Variants in HSD17B2 observed in about 807,000 individuals in gnomAD.
HSD17B2 encodes 17-beta-hydroxysteroid dehydrogenase type 2.
Under a neutral mutation model 26.9 loss-of-function variants are expected in HSD17B2, and 32 were observed. The observed-to-expected ratio is 1.19, with a 90% confidence interval of 0.90 to 1.60. HSD17B2 has a LOEUF of 1.60. Among genes scored for constraint, HSD17B2 ranks in the 40% most tolerant of loss-of-function variants. The pLI is 0.00. For missense variants in HSD17B2, 613 were observed against 468.6 expected (o/e 1.31, Z -2.85); for synonymous variants, 246 against 186.7 (o/e 1.32, Z -2.59).
intron 3 of HSD17B2, among the ~76,000 whole-genome samples, chr16:82,074,873 C>G (rs183940622): frequency 6.6e-6 from 1 of 152,214 alleles, no homozygotes; most frequent in African/African-American, 2.4e-5. Flanking sequence ...TTACAGAACA[C>G]TTCATCCAAA....
chr16:82,091,311 G>C (rs1168424800), intron 4 of HSD17B2: 2 of 462,976 alleles, frequency 4.3e-6, no homozygotes, highest in Admixed American at 3.3e-5. Context: ...AGTCAGATTA[G>C]TGAAAAAGTA....
intron 1 of HSD17B2, among the ~76,000 whole-genome samples, chr16:82,066,261 A>T (rs1194119460): frequency 1.3e-5 from 2 of 152,206 alleles, no homozygotes; most frequent in Non-Finnish European, 2.9e-5. Context: ...TTTGCTGGGC[A>T]ATGACATACA....
chr16:82,044,971 A>G (rs1913876749), intron 1 of HSD17B2, among the ~76,000 whole-genome samples: 1 of 152,008 alleles, frequency 6.6e-6, no homozygotes, highest in Non-Finnish European at 1.5e-5. Flanking sequence ...TACAAAAATT[A>G]TTAGGGCATG....
At chr16:82,089,029 AG>A (rs1489069677) in intron 3 of HSD17B2, among the ~76,000 whole-genome samples, 1 of 152,178 alleles carries the variant, frequency 6.6e-6, no homozygotes, top group Non-Finnish European at 1.5e-5. Context: ...CTCCACCCTC[AG>A]GACTTAATTA....
intron 4 of HSD17B2, 61 bp from the exon 5 acceptor site, chr16:82,098,014 C>A: frequency 6.5e-7 from 1 of 1,537,276 alleles, no homozygotes; most frequent in Non-Finnish European, 8.8e-7. Context: ...GAGACAAGCG[C>A]CTGCTCCCTG....
At chr16:82,092,339 G>C (rs1448719203) in intron 4 of HSD17B2, 2 of 152,158 alleles carry the variant, frequency 1.3e-5, no homozygotes, top group Admixed American at 6.5e-5. Context: ...TCTGGGAAGA[G>C]GCAGCCTACC....
intron 1 of HSD17B2, among the ~76,000 whole-genome samples, chr16:82,042,864 A>AC (rs1240434473): frequency 6.6e-6 from 1 of 151,948 alleles, no homozygotes; most frequent in Non-Finnish European, 1.5e-5. Flanking sequence ...CAGCTAATCC[A>AC]CCTGCCTCGG....
chr16:82,070,206 C>G (rs1224576420), intron 2 of HSD17B2, among the ~76,000 whole-genome samples: 2 of 152,166 alleles, frequency 1.3e-5, no homozygotes, highest in Non-Finnish European at 2.9e-5. Flanking sequence ...GACACTGGCT[C>G]TACCACCTAA....
chr16:82,084,711 A>G (rs1387859564), intron 3 of HSD17B2, among the ~76,000 whole-genome samples: 4 of 152,162 alleles, frequency 2.6e-5, no homozygotes, highest in Non-Finnish European at 4.4e-5. Flanking sequence ...GTATAATTGC[A>G]TGCTATGCTT....
chr16:82,056,160 G>T (rs2143950040), intron 1 of HSD17B2, among the ~76,000 whole-genome samples: 1 of 152,314 alleles, frequency 6.6e-6, no homozygotes, highest in Non-Finnish European at 1.5e-5. Flanking sequence ...CTGTCAGCCA[G>T]GAAGCATCTT....
chr16:82,076,396 G>C (rs191744065), intron 3 of HSD17B2, among the ~76,000 whole-genome samples: 11 of 152,166 alleles, frequency 7.2e-5, no homozygotes, highest in African/African-American at 2.6e-4. Context: ...AGTGCAAGCA[G>C]ACAAAAGAAA....
At chr16:82,088,960 A>G (rs1021545014) in intron 3 of HSD17B2, among the ~76,000 whole-genome samples, 1 of 152,204 alleles carries the variant, frequency 6.6e-6, no homozygotes, top group Non-Finnish European at 1.5e-5. Context: ...GAGAGAAAGA[A>G]TAAATAAGCT....
chr16:82,049,366 A>C (rs1476752908), intron 1 of HSD17B2, among the ~76,000 whole-genome samples: 5 of 152,206 alleles, frequency 3.3e-5, no homozygotes, highest in Non-Finnish European at 5.9e-5. Context: ...TGAAGTTGAG[A>C]TACTTTCTCC....
intron 1 of HSD17B2, among the ~76,000 whole-genome samples, chr16:82,046,283 A>G (rs1913926102): frequency 6.6e-6 from 1 of 152,176 alleles, no homozygotes; most frequent in Admixed American, 6.5e-5. Flanking sequence ...TCGGTGCCAC[A>G]AAACCCTCAT....
At chr16:82,064,145 A>C (rs559877279) in intron 1 of HSD17B2, among the ~76,000 whole-genome samples, 1 of 152,334 alleles carries the variant, frequency 6.6e-6, no homozygotes, top group East Asian at 1.9e-4. Context: ...AACTTTCCTA[A>C]GAGAGTCAGA....
chr16:82,043,254 G>A (rs1487285235), intron 1 of HSD17B2, among the ~76,000 whole-genome samples: 3 of 152,148 alleles, frequency 2.0e-5, no homozygotes, highest in African/African-American at 7.2e-5. Context: ...TGGGGACTGG[G>A]GCTCCCCAGG....
At chr16:82,068,090 C>G (rs547427311) in intron 1 of HSD17B2, 80 bp from the exon 2 acceptor site, 9 of 1,220,262 alleles carry the variant, frequency 7.4e-6, no homozygotes, top group South Asian at 6.3e-5. Flanking sequence ...TCGTAAACAA[C>G]GTAATATGTT....
At chr16:82,054,322 T>G (rs1914200190) in intron 1 of HSD17B2, among the ~76,000 whole-genome samples, 1 of 152,098 alleles carries the variant, frequency 6.6e-6, no homozygotes, top group African/African-American at 2.4e-5. Flanking sequence ...ATTGTAAATA[T>G]TAGACTGCCC....
At chr16:82,090,804 T>C (rs1203179718) in intron 3 of HSD17B2, 98 bp from the exon 4 acceptor site, 3 of 1,180,548 alleles carry the variant, frequency 2.5e-6, no homozygotes, top group Admixed American at 2.8e-5. Flanking sequence ...AAGTCACTGA[T>C]ACCAGTTCCT....
Sources: gnomAD v4.1 joint callset for allele counts (sites outside exome capture counted in the v4.1 genomes callset) on GRCh38, gnomAD v4.1.1 for gene constraint, MANE v1.5 for transcripts, NCBI Gene and HGNC (gene_info 2026-07-23, HGNC 2026-07-21) for gene names.